Variants in EPHA6 observed in about 807,000 individuals in gnomAD.
EPHA6 encodes ephrin type-A receptor 6.
In EPHA6, 50 loss-of-function variants were observed where a neutral mutation model predicts 112.0. The ratio of observed to expected loss-of-function variants is 0.45; its 90% CI spans 0.36 to 0.56. EPHA6 has a LOEUF of 0.56. Among genes scored for constraint, EPHA6 ranks in the 20% least tolerant of loss-of-function variants. The probability of loss-of-function intolerance (pLI) is 0.00; values close to 1 mark genes in which losing one functional copy is unlikely to be tolerated. For missense variants in EPHA6, 1,280 were observed against 1,417.4 expected (o/e 0.90, Z 1.56); for synonymous variants, 529 against 490.7 (o/e 1.08, Z -1.03).
intron 3 of EPHA6, among the ~76,000 whole-genome samples, chr3:97,164,775 T>C (rs755183257): frequency 6.6e-6 from 1 of 152,104 alleles, no homozygotes; most frequent in African/African-American, 2.4e-5. Context: ...ACCAATTAAT[T>C]GTCAGCTTTT....
At chr3:97,041,080 G>C (rs190983627) in intron 3 of EPHA6, among the ~76,000 whole-genome samples, 1 of 151,922 alleles carries the variant, frequency 6.6e-6, no homozygotes, top group African/African-American at 2.4e-5. Context: ...ATGAATTAGC[G>C]TACTGTTTGT....
intron 11 of EPHA6, among the ~76,000 whole-genome samples, chr3:97,575,348 G>T (rs1309468786): frequency 6.6e-6 from 1 of 152,152 alleles, no homozygotes; most frequent in African/African-American, 2.4e-5. Context: ...ATGATGCAGT[G>T]AAAAGAAGGA....
At chr3:97,524,561 T>C (rs1363441779) in intron 10 of EPHA6, among the ~76,000 whole-genome samples, 1 of 152,130 alleles carries the variant, frequency 6.6e-6, no homozygotes, top group Admixed American at 6.6e-5. Flanking sequence ...ATGTTTACCT[T>C]TAGTAGTAAG....
At chr3:97,711,290 A>G (rs896888637) in intron 14 of EPHA6, among the ~76,000 whole-genome samples, 1 of 151,300 alleles carries the variant, frequency 6.6e-6, no homozygotes, top group East Asian at 1.9e-4. Context: ...GCCATGTGGA[A>G]CCATGAGTCC....
chr3:97,494,169 A>G (rs1478097311), intron 10 of EPHA6, among the ~76,000 whole-genome samples: 2 of 152,338 alleles, frequency 1.3e-5, no homozygotes, highest in Non-Finnish European at 1.5e-5. Flanking sequence ...TTTTATTAAC[A>G]TCAATGTAAC....
rs59553575 is a variant in EPHA6 at position 97,173,995 on chromosome 3, T to C, written c.1115-52269T>C. 1.8e-3 allele frequency among the ~76,000 whole-genome samples: 270 copies of C among 151,660 alleles called. 1 individual carries two copies. The highest frequency in any genetic ancestry group is 6.2e-3 in the African/African-American group (259 of 41,486). On this transcript the variant is annotated intron_variant, in intron 3 of 17. Transcript: ENST00000389672. ...TCTTATTCATTCTTTCTATTTTTTT[T>C]ACCCATTAACCATCACCTTCTACCT...
chr3:97,213,913 A>C (rs930771308), intron 3 of EPHA6, among the ~76,000 whole-genome samples: 1 of 151,982 alleles, frequency 6.6e-6, no homozygotes, highest in African/African-American at 2.4e-5. Flanking sequence ...AAGTTCATTA[A>C]AGCATTTTTC....
intron 3 of EPHA6, among the ~76,000 whole-genome samples, chr3:97,068,930 CTGT>C (rs2046268032): frequency 6.6e-6 from 1 of 152,152 alleles, no homozygotes; most frequent in African/African-American, 2.4e-5. Context: ...AAATAAATTT[CTGT>C]TGTTTATAAG....
At chr3:97,053,230 G>A (rs746385390) in intron 3 of EPHA6, among the ~76,000 whole-genome samples, 1 of 152,078 alleles carries the variant, frequency 6.6e-6, no homozygotes, top group Non-Finnish European at 1.5e-5. Context: ...TAGGAGTATA[G>A]AGCATAAAGG....
At chr3:96,831,964 ACT>A (rs2034112483) in intron 1 of EPHA6, among the ~76,000 whole-genome samples, 1 of 151,578 alleles carries the variant, frequency 6.6e-6, no homozygotes, top group Admixed American at 6.6e-5. Context: ...TCAGCTGAAA[ACT>A]CTCAATGCTG....
At chr3:96,971,875 G>T (rs2042328973) in intron 2 of EPHA6, among the ~76,000 whole-genome samples, 1 of 151,746 alleles carries the variant, frequency 6.6e-6, no homozygotes, top group South Asian at 2.1e-4. Flanking sequence ...TCCCTTTTTG[G>T]CTCTCTTTCC....
At chr3:96,967,193 C>A (rs2042152456) in intron 2 of EPHA6, among the ~76,000 whole-genome samples, 1 of 150,784 alleles carries the variant, frequency 6.6e-6, no homozygotes, top group Admixed American at 6.7e-5. Context: ...CACACACACA[C>A]ACACACACAC....
At chr3:97,571,921 C>T (rs996049708) in intron 11 of EPHA6, among the ~76,000 whole-genome samples, 1 of 152,174 alleles carries the variant, frequency 6.6e-6, no homozygotes, top group Non-Finnish European at 1.5e-5. Context: ...CAATGTATAG[C>T]ACACCATCAG....
chr3:97,744,998 A>G (rs1020299815), intron 16 of EPHA6, among the ~76,000 whole-genome samples: 3 of 151,990 alleles, frequency 2.0e-5, no homozygotes, highest in Non-Finnish European at 2.9e-5. Flanking sequence ...AACAAGCAAC[A>G]AGGATATCCT....
chr3:97,099,786 A>G (rs9881077), intron 3 of EPHA6, among the ~76,000 whole-genome samples: 9,395 of 152,078 alleles, frequency 0.062, 338 homozygotes, highest in Middle Eastern at 0.14. Context: ...GAAGTGTAAG[A>G]TGGAAGTAAC....
intron 3 of EPHA6, among the ~76,000 whole-genome samples, chr3:97,135,288 T>C (rs1332921597): frequency 3.3e-5 from 5 of 152,164 alleles, no homozygotes; most frequent in Non-Finnish European, 7.4e-5. Flanking sequence ...ACTTAATTTC[T>C]GCAAGCTCAT....
At chr3:97,617,348 A>G (rs974322371) in intron 13 of EPHA6, among the ~76,000 whole-genome samples, 2 of 152,146 alleles carry the variant, frequency 1.3e-5, no homozygotes, top group African/African-American at 4.8e-5. Context: ...GAACAGTGAC[A>G]CTATAAATTA....
At chr3:97,335,041 G>A (rs1284106400) in intron 5 of EPHA6, among the ~76,000 whole-genome samples, 1 of 152,152 alleles carries the variant, frequency 6.6e-6, no homozygotes, top group Non-Finnish European at 1.5e-5. Context: ...CATAGACCAA[G>A]TGGCTTAAAC....
intron 3 of EPHA6, among the ~76,000 whole-genome samples, chr3:97,225,641 G>C (rs981260518): frequency 6.6e-6 from 1 of 152,000 alleles, no homozygotes; most frequent in Non-Finnish European, 1.5e-5. Context: ...CCAACCTCTT[G>C]ATAGTAATTT....
Sources: allele counts gnomAD v4.1 joint callset (sites outside exome capture counted in the v4.1 genomes callset), GRCh38; gene constraint gnomAD v4.1.1; transcripts MANE v1.5; gene names NCBI Gene and HGNC (gene_info 2026-07-23, HGNC 2026-07-21).